The following CASZ1 variants were observed in gnomAD, a reference collection of about 807,000 sequenced individuals.
CASZ1 encodes the protein zinc finger protein castor homolog 1.
Under a neutral mutation model 135.2 loss-of-function variants are expected in CASZ1, and 28 were observed. The observed-to-expected ratio is 0.21, with a 90% confidence interval of 0.15 to 0.28. CASZ1 has a LOEUF of 0.28. Among genes scored for constraint, CASZ1 ranks in the 10% least tolerant of loss-of-function variants. The pLI, the probability that CASZ1 is intolerant of heterozygous loss-of-function variation, is 1.00. For missense variants in CASZ1, 2,161 were observed against 2,453.3 expected, an observed-to-expected ratio of 0.88 and a Z score of 2.52; for synonymous variants, 1,068 against 1,073.4, an observed-to-expected ratio of 0.99 and a Z score of 0.10.
At chr1:10,654,743 G>A (rs2100230325) in intron 9 of CASZ1, 152 bp from the exon 10 acceptor site, 1 of 720,618 alleles carries the variant, frequency 1.4e-6, no homozygotes, top group Non-Finnish European at 2.4e-6. Context: ...GGATGTTGAT[G>A]TAGGAAGCAG....
intron 5 of CASZ1, among the ~76,000 whole-genome samples, chr1:10,662,504 A>G (rs1433067466): frequency 6.6e-6 from 1 of 151,978 alleles, no homozygotes. Context: ...ATAAACCCAC[A>G]CACGGTCACA....
chr1:10,703,677 C>G (rs928097905), intron 3 of CASZ1, among the ~76,000 whole-genome samples: 1 of 152,022 alleles, frequency 6.6e-6, no homozygotes, highest in African/African-American at 2.4e-5. Context: ...GGTCAGACTC[C>G]GAGGCCCCCT....
chr1:10,749,246 C>A, intron 2 of CASZ1, among the ~76,000 whole-genome samples: 1 of 151,838 alleles, frequency 6.6e-6, no homozygotes, highest in East Asian at 1.9e-4. Flanking sequence ...CTCCATCTTT[C>A]CCCCCTATTT....
chr1:10,696,792 T>A (rs1326591846), intron 3 of CASZ1, among the ~76,000 whole-genome samples: 1 of 152,248 alleles, frequency 6.6e-6, no homozygotes, highest in Non-Finnish European at 1.5e-5. Context: ...CTGAATGTCT[T>A]CCTGGGCTTC....
chr1:10,730,031 T>C (rs1570533582), intron 2 of CASZ1, among the ~76,000 whole-genome samples: 1 of 152,176 alleles, frequency 6.6e-6, no homozygotes, highest in Non-Finnish European at 1.5e-5. Context: ...GCCAGGCTGG[T>C]CTCGAACTCC....
intron 6 of CASZ1, 140 bp from the exon 7 acceptor site, chr1:10,658,716 C>T: frequency 1.4e-6 from 1 of 709,820 alleles, no homozygotes; most frequent in South Asian, 1.6e-5. Flanking sequence ...CACGGTGGGA[C>T]TGAGGACATC....
Position 10,654,130 on chromosome 1 carries a change from C to G in CASZ1, c.1927G>C (p.Asp643His). 1 of 1,614,234 alleles carries G rather than the reference C, an allele frequency of 6.2e-7. No individual in the cohort carries two copies. The highest frequency in any genetic ancestry group is 1.3e-5 in the African/African-American group (1 of 75,064). ...TACTTGTAGAACTTCTTGAAGCCGTCCTTGGCGTAGGCATCGTCCTTGATG... is the reference window on the plus strand; with the variant it reads ...TACTTGTAGAACTTCTTGAAGCCGTGCTTGGCGTAGGCATCGTCCTTGATG... ...YHIKDDAYAK[D>H]GFKKFYKYEE... Residue 643 changes from aspartate (D) to histidine (H), a missense_variant, in exon 11 of 21, where the codon GAC becomes CAC. By Grantham distance (81) the Asp-to-His change is moderately conservative. Transcript: ENST00000377022.
chr1:10,708,975 G>T (rs1439683080), intron 2 of CASZ1, among the ~76,000 whole-genome samples: 3 of 145,164 alleles, frequency 2.1e-5, no homozygotes, highest in African/African-American at 7.7e-5. Flanking sequence ...ACGGGGAGGG[G>T]GGGGGCCATG....
chr1:10,649,565 G>A (rs1642492436), intron 13 of CASZ1, 128 bp from the exon 14 acceptor site: 6 of 1,091,660 alleles, frequency 5.5e-6, no homozygotes, highest in South Asian at 3.3e-5. Flanking sequence ...CAGAGAATGC[G>A]GCCCGCCTAC....
Position 10,647,494 on chromosome 1 carries a change from G to C in CASZ1, c.3497+307C>G, listed in dbSNP as rs949194221. The C allele has an allele frequency of 7.8e-7, 1 of 1,284,428 alleles. No homozygotes were observed. The allele number at this position is 1,284,428 out of a possible 1,614,324, so 79.6% of individuals were successfully genotyped here. Reference sequence around the variant, plus strand: ...AGCCCTCCTTGTCAGGCTGGGAGTTGTCCTCTGAGGACCACCACGCCCAGT... The same window carrying C: ...AGCCCTCCTTGTCAGGCTGGGAGTTCTCCTCTGAGGACCACCACGCCCAGT... On this transcript the variant is annotated intron_variant, in intron 16 of 20. Transcript: ENST00000377022. This position sits in a 1 kb window ranked among gnomAD's most constrained non-coding sequence, Gnocchi z 4.9.
At chr1:10,650,034 G>A (rs1422451639) in intron 13 of CASZ1, 1 of 153,310 alleles carries the variant, frequency 6.5e-6, no homozygotes, top group African/African-American at 2.4e-5. Flanking sequence ...TGGCCAAGGA[G>A]TGGATGCCAC....
At chr1:10,790,297 G>A (rs1026022973) in intron 1 of CASZ1, among the ~76,000 whole-genome samples, 3 of 151,088 alleles carry the variant, frequency 2.0e-5, no homozygotes, top group Non-Finnish European at 4.5e-5. Flanking sequence ...CACAGGGACC[G>A]GCCTTATCGG....
rs895287006 is a variant in CASZ1, at chr1:10,739,197, G to A, written c.-77+21504C>T. On this transcript the variant is annotated intron_variant, in intron 2 of 20. Transcript: ENST00000377022. The surrounding 1 kb of genome is among the most constrained non-coding windows in gnomAD (Gnocchi z 4.8). The stretch of plus-strand genomic sequence containing the variant: ...CTTTTCAGGCCGGCGGCCAGTCCCC[G>A]GGCGTACAGCGTGCGGTGCAACCTG... Among the ~76,000 whole-genome samples the A allele has an allele frequency of 3.3e-5, 5 of 152,164 alleles. No individual in the cohort carries two copies. Among genetic ancestry groups the A allele is most frequent in the African/African-American group, 4.8e-5 (2 of 41,432 alleles).
chr1:10,643,449 C>T (rs991096746), intron 18 of CASZ1, 138 bp from the exon 19 acceptor site: 76 of 939,330 alleles, frequency 8.1e-5, no homozygotes, highest in African/African-American at 3.8e-4. Context: ...GGCGCTGAGC[C>T]GAGGTGGCAG....
At chr1:10,715,458 A>T (rs886977677) in intron 2 of CASZ1, among the ~76,000 whole-genome samples, 1 of 151,780 alleles carries the variant, frequency 6.6e-6, no homozygotes, top group Admixed American at 6.6e-5. Context: ...GGCAGCAGAG[A>T]TGCCTCCTCC....
intron 2 of CASZ1, among the ~76,000 whole-genome samples, chr1:10,716,502 G>T (rs960443450): frequency 1.3e-5 from 2 of 152,240 alleles, no homozygotes; most frequent in South Asian, 2.1e-4. Flanking sequence ...TGGACCATCT[G>T]GGGGGATACT....
Position 10,762,790 on chromosome 1 carries a change from G to T in CASZ1, c.-233-1933C>A, listed in dbSNP as rs527873695. 1.3e-5 allele frequency among the ~76,000 whole-genome samples: 2 copies of T among 152,084 alleles called. No homozygotes were observed. Among genetic ancestry groups the T allele is most frequent in the South Asian group, 2.1e-4 (1 of 4,824 alleles). Reference sequence around the variant, plus strand: ...CTACCTCCCCAACTCCAGGCAAGGCGCTGGCAAGACCAGGGGCTGACCACA... The same window carrying T: ...CTACCTCCCCAACTCCAGGCAAGGCTCTGGCAAGACCAGGGGCTGACCACA... On this transcript the variant is annotated intron_variant, in intron 1 of 20. Coordinates refer to ENST00000377022, the MANE Select transcript of CASZ1 (RefSeq NM_001079843.3). The surrounding 1 kb of genome is among the most constrained non-coding windows in gnomAD (Gnocchi z 4.1).
intron 2 of CASZ1, among the ~76,000 whole-genome samples, chr1:10,751,636 A>G (rs1323427947): frequency 2.0e-5 from 3 of 152,208 alleles, no homozygotes; most frequent in African/African-American, 7.2e-5. Context: ...ACGGGGCCAA[A>G]CCACCGGGCA....
At chr1:10,650,847 G>A (rs564355451) in intron 12 of CASZ1, 92 bp from the exon 13 acceptor site, 15 of 1,601,682 alleles carry the variant, frequency 9.4e-6, no homozygotes, top group African/African-American at 1.3e-5. Flanking sequence ...GGCTCCAGCC[G>A]AGCCCGCTGC....
Sources: gnomAD v4.1 joint callset for allele counts (sites outside exome capture counted in the v4.1 genomes callset) on GRCh38, gnomAD v4.1.1 for gene constraint, Gnocchi (gnomAD v3.1) non-coding constraint, MANE v1.5 for transcripts, NCBI Gene and HGNC (gene_info 2026-07-23, HGNC 2026-07-21) for gene names.